The following WDR70 variants were observed in gnomAD, a reference collection of about 807,000 sequenced individuals.
The protein encoded by WDR70 is WD repeat domain 70, also known as WD repeat-containing protein 70.
Under a neutral mutation model 88.6 loss-of-function variants are expected in WDR70, and 53 were observed. The observed-to-expected ratio is 0.60, with a 90% confidence interval of 0.48 to 0.75. The LOEUF is 0.75. Among genes scored for constraint, WDR70 ranks in the 30% least tolerant of loss-of-function variants. The probability of loss-of-function intolerance (pLI) is 0.00; values close to 1 mark genes in which losing one functional copy is unlikely to be tolerated. For missense variants in WDR70, 610 were observed against 823.2 expected, an observed-to-expected ratio of 0.74 and a Z score of 3.17; for synonymous variants, 280 against 270.0, an observed-to-expected ratio of 1.04 and a Z score of -0.36.
chr5:37,642,940 G>A (rs1294427864), intron 10 of WDR70, among the ~76,000 whole-genome samples: 2 of 152,102 alleles, frequency 1.3e-5, no homozygotes, highest in African/African-American at 4.8e-5. Flanking sequence ...TCTGTGGGTT[G>A]TCTCTTCACT....
At chr5:37,379,877 G>C (rs1748371384) in intron 2 of WDR70, among the ~76,000 whole-genome samples, 1 of 152,194 alleles carries the variant, frequency 6.6e-6, no homozygotes, top group African/African-American at 2.4e-5. Context: ...CGGTAGGGTA[G>C]ATTTCTAAAA....
intron 9 of WDR70, among the ~76,000 whole-genome samples, chr5:37,517,365 T>C (rs74476462): frequency 0.18 from 24,332 of 136,264 alleles, 2,076 homozygotes; most frequent in South Asian, 0.3. Context: ...TCCTTGGTTA[T>C]TAAATTTTTT....
chr5:37,461,124 AAT>A (rs1197550256), intron 7 of WDR70, among the ~76,000 whole-genome samples: 93 of 137,982 alleles, frequency 6.7e-4, no homozygotes, highest in African/African-American at 3.0e-3. Flanking sequence ...AAAAAAAAAA[AAT>A]AAAGGGTTGT....
At chr5:37,673,583 A>ACTCC (rs1746094113) in intron 10 of WDR70, among the ~76,000 whole-genome samples, 6 of 76,226 alleles carry the variant, frequency 7.9e-5, no homozygotes, top group African/African-American at 1.6e-4. Flanking sequence ...GACTTTTCTT[A>ACTCC]CCCCCCCCCC....
At chr5:37,697,489 T>C (rs1747014551) in intron 10 of WDR70, among the ~76,000 whole-genome samples, 166 bp from the exon 11 acceptor site, 1 of 152,220 alleles carries the variant, frequency 6.6e-6, no homozygotes, top group South Asian at 2.1e-4. Flanking sequence ...TAAAAGCCAT[T>C]TGGTTTTTCT....
chr5:37,418,138 T>C (rs1749819427), intron 5 of WDR70, among the ~76,000 whole-genome samples: 2 of 152,234 alleles, frequency 1.3e-5, no homozygotes, highest in Admixed American at 1.3e-4. Flanking sequence ...TAATACTTGA[T>C]TCATTCTTTG....
At chr5:37,576,426 A>G (rs893026282) in intron 9 of WDR70, among the ~76,000 whole-genome samples, 3 of 151,982 alleles carry the variant, frequency 2.0e-5, no homozygotes, top group African/African-American at 7.3e-5. Context: ...TTTCTTGTCC[A>G]TTGTATGTAA....
chr5:37,405,098 A>G (rs1474944752), intron 5 of WDR70, among the ~76,000 whole-genome samples: 1 of 152,182 alleles, frequency 6.6e-6, no homozygotes, highest in East Asian at 1.9e-4. Flanking sequence ...GTAAAATATT[A>G]GAATAATTAG....
chr5:37,580,872 C>T (rs1561910204), intron 9 of WDR70, among the ~76,000 whole-genome samples: 1 of 152,156 alleles, frequency 6.6e-6, no homozygotes, highest in Non-Finnish European at 1.5e-5. Context: ...CACCTTACCT[C>T]ATTCCAAAAA....
At chr5:37,636,162 A>G (rs1744959360) in intron 10 of WDR70, among the ~76,000 whole-genome samples, 1 of 152,216 alleles carries the variant, frequency 6.6e-6, no homozygotes. Context: ...TTAACAAAAC[A>G]ATGGGGGCAT....
intron 10 of WDR70, among the ~76,000 whole-genome samples, chr5:37,616,926 G>A (rs915127197): frequency 5.9e-5 from 9 of 152,006 alleles, no homozygotes; most frequent in African/African-American, 2.2e-4. Context: ...AAATAATTGT[G>A]TTTTATAAGT....
At chr5:37,539,342 A>G (rs1220659002) in intron 9 of WDR70, among the ~76,000 whole-genome samples, 1 of 152,178 alleles carries the variant, frequency 6.6e-6, no homozygotes, top group Non-Finnish European at 1.5e-5. Flanking sequence ...GTATGAGGCT[A>G]TGAATGTGGG....
chr5:37,515,189 T>A (rs563484429), intron 8 of WDR70, among the ~76,000 whole-genome samples: 16 of 152,310 alleles, frequency 1.1e-4, no homozygotes, highest in African/African-American at 3.8e-4. Flanking sequence ...GTATTTTGGA[T>A]AGAATTGTCA....
chr5:37,589,241 T>TACACACACAC (rs1335309168), intron 9 of WDR70, among the ~76,000 whole-genome samples: 3 of 70,600 alleles, frequency 4.2e-5, no homozygotes, highest in African/African-American at 1.5e-4. Context: ...CATATATACC[T>TACACACACAC]ACACACATAC....
intron 9 of WDR70, among the ~76,000 whole-genome samples, chr5:37,602,502 G>C (rs998863671): frequency 1.3e-5 from 2 of 151,784 alleles, no homozygotes; most frequent in African/African-American, 4.8e-5. Context: ...AGCTACTCGG[G>C]AAGCTGAGGC....
intron 10 of WDR70, among the ~76,000 whole-genome samples, chr5:37,616,147 G>T (rs547302928): frequency 6.6e-6 from 1 of 151,856 alleles, no homozygotes; most frequent in East Asian, 1.9e-4. Flanking sequence ...TTGACACAGG[G>T]TCTCACTCAC....
rs780516679 is a variant in WDR70 at position 37,697,719 on chromosome 5, T to A, written c.1157T>A (p.Phe386Tyr). 1 of 1,613,826 alleles carries A rather than the reference T, an allele frequency of 6.2e-7. No individual in the cohort carries two copies. Residue 386 changes from phenylalanine to tyrosine, a missense_variant, in exon 11 of 18, where the codon TTT becomes TAT. Phe to Tyr is a conservative substitution (Grantham distance 22). Transcript: ENST00000265107. ...GGCACAGACACTTCTTGCGTGACTT[T>A]TTCCTATGATGGTAATGTCCTTGCC... Reference protein sequence around the residue: ...DSGTDTSCVTFSYDGNVLASR... With the variant: ...DSGTDTSCVTYSYDGNVLASR...
chr5:37,690,167 G>C (rs1746744307), intron 10 of WDR70, among the ~76,000 whole-genome samples: 1 of 152,130 alleles, frequency 6.6e-6, no homozygotes, highest in African/African-American at 2.4e-5. Context: ...AGAGAAAAAA[G>C]AGTAAAAAGA....
chr5:37,523,347 G>A (rs983553693), intron 9 of WDR70, among the ~76,000 whole-genome samples: 8 of 152,186 alleles, frequency 5.3e-5, no homozygotes, highest in African/African-American at 9.7e-5. Flanking sequence ...TGCAGCCTCC[G>A]CTGCTGATAC....
Sources: allele counts gnomAD v4.1 joint callset (sites outside exome capture counted in the v4.1 genomes callset), GRCh38; gene constraint gnomAD v4.1.1; transcripts MANE v1.5; gene names NCBI Gene and HGNC (gene_info 2026-07-23, HGNC 2026-07-21).